Variants in MIA3 observed in about 807,000 individuals in gnomAD.
The protein encoded by MIA3 is MIA SH3 domain ER export factor 3.
MIA3 carries 90 observed loss-of-function variants against 192.4 expected under a neutral mutation model. The ratio of observed to expected loss-of-function variants is 0.47; its 90% CI spans 0.39 to 0.56. MIA3 has a LOEUF of 0.56. Among genes scored for constraint, MIA3 ranks in the 20% least tolerant of loss-of-function variants. MIA3 has a pLI of 0.00. For synonymous variants in MIA3, 740 were observed against 792.8 expected, an observed-to-expected ratio of 0.93 and a Z score of 1.12; for missense variants, 2,123 against 2,269.4, an observed-to-expected ratio of 0.94 and a Z score of 1.31.
intron 18 of MIA3, among the ~76,000 whole-genome samples, chr1:222,656,136 A>AT (rs930051990): frequency 4.0e-5 from 6 of 150,834 alleles, no homozygotes; most frequent in Middle Eastern, 6.8e-3. Flanking sequence ...TGCCCGGCTA[A>AT]TTTTTTTTGT....
Position 222,630,199 on chromosome 1 carries a change from G to A in MIA3, c.2979G>A (p.Met993Ile), listed in dbSNP as rs1662334385. 1 of 1,614,078 alleles carries A rather than the reference G, an allele frequency of 6.2e-7. No homozygotes were observed. The highest frequency in any genetic ancestry group is 8.5e-7 in the Non-Finnish European group (1 of 1,180,038). ...ESQILSIAEK[M>I]LDTRVAENRD... ...AAATTCTGAGCATAGCAGAAAAAATGCTTGATACTCGTGTGGCTGAAAATA... is the reference window on the plus strand; with the variant it reads ...AAATTCTGAGCATAGCAGAAAAAATACTTGATACTCGTGTGGCTGAAAATA... Residue 993 changes from methionine to isoleucine, a missense_variant, in exon 4 of 28, where the codon ATG (methionine) becomes ATA (isoleucine). Coordinates refer to ENST00000344922, the MANE Select transcript of MIA3 (RefSeq NM_198551.4).
At chr1:222,665,212 A>AG (rs1204821496) in intron 27 of MIA3, 97 bp from the exon 28 acceptor site, 2 of 899,270 alleles carry the variant, frequency 2.2e-6, no homozygotes, top group East Asian at 5.4e-5. Context: ...AAAAAAAAAA[A>AG]AAAAAAAAAG....
intron 26 of MIA3, among the ~76,000 whole-genome samples, chr1:222,663,368 GAGA>G (rs1369819383): frequency 2.0e-5 from 3 of 152,262 alleles, no homozygotes; most frequent in African/African-American, 7.2e-5. Flanking sequence ...TGTTAGAAAG[GAGA>G]AGCAGAGGTG....
chr1:222,648,869 T>A lies in MIA3; in HGVS notation c.3631+19T>A. 1 of 1,424,962 alleles carries A rather than the reference T, an allele frequency of 7.0e-7. No homozygotes were observed. Among genetic ancestry groups the A allele is most frequent in the South Asian group, 1.2e-5 (1 of 83,464 alleles). 88.3% of individuals were successfully genotyped at this position (1,424,962 alleles called of 1,614,324 possible). On this transcript the variant is annotated intron_variant, in intron 8 of 27. Transcript: ENST00000344922. ...TATCAAGGTAAATCTTTAGGCTTTT[T>A]TGTTATTTGTACTAGTCCCTCTGTA...
Position 222,645,653 on chromosome 1 carries a change from T to C in MIA3, c.3577T>C (p.Phe1193Leu). 1 of 1,614,052 alleles carries C rather than the reference T, an allele frequency of 6.2e-7. No homozygotes were observed. Among genetic ancestry groups the C allele is most frequent in the Non-Finnish European group, 8.5e-7 (1 of 1,179,956 alleles). ...FITAFLGIAS[F>L]AIFLWRTVLV... ...CACTGCCTTCTTGGGAATTGCTTCG[T>C]TTGCCATTTTCTTATGGAGAACTGT... is the stretch of plus-strand genomic sequence containing the variant. The change falls in exon 7 of 28, where the codon TTT becomes CTT. Residue 1193 changes from phenylalanine (F) to leucine (L), a missense_variant. Transcript: ENST00000344922.
chr1:222,628,757 G>C lies in MIA3; in HGVS notation c.1537G>C (p.Gly513Arg), dbSNP rs1454057022. 1.9e-6 allele frequency: 3 copies of C among 1,613,950 alleles called. No individual in the cohort carries two copies. The highest frequency in any genetic ancestry group is 3.3e-5 in the Admixed American group (2 of 60,002). ...NLNSMPAAEK[G>R]KDTLKSAYDD... ...CAACTCTATGCCAGCTGCTGAAAAG[G>C]GTAAAGACACATTAAAATCAGCTTA... is the stretch of plus-strand genomic sequence containing the variant. The change falls in exon 4 of 28, where the codon GGT becomes CGT. Residue 513 changes from glycine to arginine, a missense_variant. Physicochemically the swap from Gly to Arg is moderately radical, Grantham distance 125. This residue lies in a region of MIA3 where 1,357 missense variants were observed against 1,396.1 expected (regional missense o/e 0.97). Transcript: ENST00000344922.
Position 222,666,695 on chromosome 1 carries a change from G to A in MIA3, c.*1076G>A, listed in dbSNP as rs933005199. 1.7e-4 allele frequency: 2 copies of A among 11,780 alleles called. No homozygotes were observed. The highest frequency in any genetic ancestry group is 4.8e-4 in the Non-Finnish European group (2 of 4,182). 0.7% of individuals were successfully genotyped at this position (11,780 alleles called of 1,614,324 possible). A position where few individuals can be genotyped will look rare whatever the true frequency, so the allele number is the denominator to read the frequency against. On this transcript the variant is annotated 3_prime_UTR_variant, in exon 28 of 28. Transcript: ENST00000344922. ...GGGTTGAAATCAGTTCTGTTTTAGG[G>A]GGAAATGGGGGCGACAGATATTATT...
chr1:222,663,389 C>T (rs762285911), intron 26 of MIA3, among the ~76,000 whole-genome samples: 1 of 152,070 alleles, frequency 6.6e-6, no homozygotes, highest in Non-Finnish European at 1.5e-5. Flanking sequence ...GTGGAAAGAA[C>T]GTGGCCTTGG....
intron 19 of MIA3, 72 bp downstream of exon 19, chr1:222,658,895 G>A (rs756509840): frequency 3.2e-4 from 314 of 968,902 alleles, no homozygotes; most frequent in Non-Finnish European, 4.8e-4. Context: ...TAGCACAAAA[G>A]CATAAATAAG....
chr1:222,662,174 G>A (rs775436352), intron 25 of MIA3, 50 bp downstream of exon 25: 1 of 1,601,028 alleles, frequency 6.2e-7, no homozygotes, highest in Non-Finnish European at 8.6e-7. Context: ...AGGAAGTGGG[G>A]AGAGGATTTT....
chr1:222,650,165 A>G lies in MIA3; in HGVS notation c.3632-127A>G, dbSNP rs558649343. 3.1e-5 allele frequency: 22 copies of G among 700,716 alleles called. No homozygotes were observed. The East Asian group carries it at 3.3e-4, about 11-fold the overall frequency. The allele number at this position is 700,716 out of a possible 1,614,324, so 43.4% of individuals were successfully genotyped here. ...CCAAACCATATCACTTTTTAAAACCATAATAGTTATGCTGAGAAGTTATTT... is the reference window on the plus strand; with the variant it reads ...CCAAACCATATCACTTTTTAAAACCGTAATAGTTATGCTGAGAAGTTATTT... On this transcript the variant is annotated intron_variant, in intron 8 of 27. Transcript: ENST00000344922.
In MIA3 at chr1:222,659,292, T is replaced by A. The variant is rs184693049; in HGVS notation, c.4710-161T>A. 1,174 of 617,576 alleles carry A rather than the reference T, an allele frequency of 1.9e-3. 4 individuals carry two copies. The highest frequency in any genetic ancestry group is 2.4e-3 in the Non-Finnish European group (834 of 351,126). 38.3% of individuals were successfully genotyped at this position (617,576 alleles called of 1,614,324 possible). A position where few individuals can be genotyped will look rare whatever the true frequency, so the allele number is the denominator to read the frequency against. ...GGAAATTATGTATCATTAGTTTTCA[T>A]CATATTGTACTTTTGTTATAACCAA... is the stretch of plus-strand genomic sequence containing the variant. On this transcript the variant is annotated intron_variant, in intron 19 of 27. Coordinates refer to ENST00000344922, the MANE Select transcript of MIA3 (RefSeq NM_198551.4).
Position 222,627,863 on chromosome 1 carries a change from A to C in MIA3, c.643A>C (p.Ser215Arg). 6.2e-7 allele frequency: 1 copy of C among 1,614,108 alleles called. No homozygotes were observed. The highest frequency in any genetic ancestry group is 8.5e-7 in the Non-Finnish European group (1 of 1,180,028). Reference sequence around the variant, plus strand: ...TCAGAAGCACCACTCCCATGCAAACAGCCAAGCAAATCATGCTCAGGGAGA... The same window carrying C: ...TCAGAAGCACCACTCCCATGCAAACCGCCAAGCAAATCATGCTCAGGGAGA... ...TTQKHHSHAN[S>R]QANHAQGEQA... is the part of the protein sequence containing the mutation. The change falls in exon 4 of 28, where the codon AGC (serine) becomes CGC (arginine). Residue 215 changes from serine to arginine, a missense_variant. Around this residue, in one of 3 missense-constraint regions of MIA3, gnomAD observed 1,357 missense variants for 1,396.1 expected, o/e 0.97. Transcript: ENST00000344922.
At position 222,630,776 on chromosome 1, in the gene MIA3, G is replaced by A. The variant is rs2124850091; in HGVS notation, c.3169+387G>A. 2.0e-5 allele frequency among the ~76,000 whole-genome samples: 3 copies of A among 152,310 alleles called. No homozygotes were observed. The South Asian group carries it at 6.2e-4, about 32-fold the overall frequency. ...CATGGATTGACTGGTATAACTTTTA[G>A]ATCAATGCCTTGGCTAAATTCCTAC... On this transcript the variant is annotated intron_variant, in intron 4 of 27. Coordinates refer to ENST00000344922, the MANE Select transcript of MIA3 (RefSeq NM_198551.4).
intron 5 of MIA3, 67 bp downstream of exon 5, chr1:222,632,393 T>C: frequency 7.3e-7 from 1 of 1,373,928 alleles, no homozygotes; most frequent in Non-Finnish European, 1.0e-6. Flanking sequence ...GGAGATTCAT[T>C]GTCAAAGGCA....
In MIA3 at chr1:222,653,072, T is replaced by C. The variant is rs1459201213; in HGVS notation, c.4151T>C (p.Phe1384Ser). The change falls in exon 14 of 28, where the codon TTT becomes TCT. Residue 1384 changes from phenylalanine (F) to serine (S), a missense_variant. Around this residue, in one of 3 missense-constraint regions of MIA3, gnomAD observed 762 missense variants for 856.4 expected, o/e 0.89. Coordinates refer to ENST00000344922, the MANE Select transcript of MIA3 (RefSeq NM_198551.4). Reference sequence around the variant, plus strand: ...GAGCTCAGTGAGCAAATCAAATCATTTGAGAAGTCTCAGAAAGATTTGGAA... The same window carrying C: ...GAGCTCAGTGAGCAAATCAAATCATCTGAGAAGTCTCAGAAAGATTTGGAA... ...HAELSEQIKS[F>S]EKSQKDLEVA... 1 of 1,613,042 alleles carries C rather than the reference T, an allele frequency of 6.2e-7. No homozygotes were observed. Among genetic ancestry groups the C allele is most frequent in the East Asian group, 2.2e-5 (1 of 44,850 alleles).
At chr1:222,621,066 A>C in intron 1 of MIA3, 93 bp from the exon 2 acceptor site, 1 of 1,092,630 alleles carries the variant, frequency 9.2e-7, no homozygotes, top group Non-Finnish European at 1.3e-6. Context: ...TGTTGTTTAT[A>C]GTGGGATTCT....
chr1:222,644,272 G>C (rs1571886270), intron 6 of MIA3: 6 of 1,388,624 alleles, frequency 4.3e-6, no homozygotes, highest in African/African-American at 1.5e-5. Flanking sequence ...CTCCTTTGGT[G>C]CCTTGAGGTG....
At chr1:222,644,472 CA>C in intron 6 of MIA3, 1 of 1,550,568 alleles carries the variant, frequency 6.4e-7, no homozygotes, top group Non-Finnish European at 8.7e-7. Flanking sequence ...AGCTGTTCTA[CA>C]CAATGGACTC....
Sources: gnomAD v4.1 joint callset for allele counts (sites outside exome capture counted in the v4.1 genomes callset) on GRCh38, gnomAD v4.1.1 for gene constraint, gnomAD v4.1.1 regional missense constraint, MANE v1.5 for transcripts, NCBI Gene and HGNC (gene_info 2026-07-23, HGNC 2026-07-21) for gene names.